FHOD3: variants seen among roughly 807,000 people sequenced by gnomAD.
The protein encoded by FHOD3 is FH1/FH2 domain-containing protein 3.
FHOD3 carries 90 observed loss-of-function variants against 173.0 expected under a neutral mutation model. The observed-to-expected ratio is 0.52, with a 90% CI of 0.44 to 0.62. The LOEUF is 0.62. FHOD3 is among the 20% of genes least tolerant of loss of function. The pLI, the probability that FHOD3 is intolerant of heterozygous loss-of-function variation, is 0.00. For missense variants in FHOD3, 1,945 were observed against 2,034.7 expected, an observed-to-expected ratio of 0.96 and a Z score of 0.85; for synonymous variants, 828 against 823.0, an observed-to-expected ratio of 1.01 and a Z score of -0.10.
chr18:36,701,625 AC>A (rs2039593328), intron 17 of FHOD3, among the ~76,000 whole-genome samples: 1 of 152,168 alleles, frequency 6.6e-6, no homozygotes, highest in Non-Finnish European at 1.5e-5. Context: ...TTTTCCTTGA[AC>A]CATTCCTGAT....
At chr18:36,444,224 T>G (rs955683585) in intron 3 of FHOD3, among the ~76,000 whole-genome samples, 7 of 151,696 alleles carry the variant, frequency 4.6e-5, no homozygotes, top group African/African-American at 1.7e-4. Flanking sequence ...AATTGTAAAT[T>G]TTTTTCAAAT....
At chr18:36,310,581 GGA>G (rs2092230532) in intron 1 of FHOD3, among the ~76,000 whole-genome samples, 1 of 151,912 alleles carries the variant, frequency 6.6e-6, no homozygotes, top group Non-Finnish European at 1.5e-5. Flanking sequence ...CAATTACTCA[GGA>G]GGCTGAGGCA....
chr18:36,713,348 C>G (rs1344861666), intron 18 of FHOD3, among the ~76,000 whole-genome samples: 1 of 152,166 alleles, frequency 6.6e-6, no homozygotes, highest in Non-Finnish European at 1.5e-5. Flanking sequence ...CTAACGGTAT[C>G]AAAATGGAAG....
chr18:36,674,571 T>C (rs1271407809), intron 14 of FHOD3, among the ~76,000 whole-genome samples: 1 of 152,088 alleles, frequency 6.6e-6, no homozygotes, highest in Non-Finnish European at 1.5e-5. Context: ...CAACTAGGTG[T>C]CTGGTTGGAC....
intron 3 of FHOD3, among the ~76,000 whole-genome samples, chr18:36,443,291 C>A (rs570395773): frequency 4.5e-4 from 69 of 152,322 alleles, no homozygotes; most frequent in Admixed American, 9.8e-4. Context: ...TTTTCTGTTT[C>A]TGTGATTCCA....
chr18:36,402,135 C>T (rs1449866186), intron 3 of FHOD3, among the ~76,000 whole-genome samples: 1 of 152,086 alleles, frequency 6.6e-6, no homozygotes, highest in African/African-American at 2.4e-5. Flanking sequence ...GCCTTTGGGG[C>T]GGGCAAGGTG....
chr18:36,599,447 C>G (rs754628772), intron 7 of FHOD3, among the ~76,000 whole-genome samples: 3 of 152,194 alleles, frequency 2.0e-5, no homozygotes. Context: ...CTGTGAAGAT[C>G]GTGTAAAGTG....
chr18:36,383,192 G>A (rs2047876615), intron 3 of FHOD3, among the ~76,000 whole-genome samples: 1 of 152,180 alleles, frequency 6.6e-6, no homozygotes, highest in East Asian at 1.9e-4. Flanking sequence ...GACTTGTGTG[G>A]CCTGGGATGT....
chr18:36,728,900 G>A (rs538695546), intron 19 of FHOD3, among the ~76,000 whole-genome samples: 9 of 152,216 alleles, frequency 5.9e-5, no homozygotes, highest in Admixed American at 2.0e-4. Flanking sequence ...TGTGGTTGAA[G>A]CTGCTTGGCT....
intron 19 of FHOD3, among the ~76,000 whole-genome samples, chr18:36,720,590 G>A (rs952649122): frequency 9.2e-5 from 14 of 151,994 alleles, no homozygotes; most frequent in African/African-American, 2.7e-4. Flanking sequence ...GACCAGCCAC[G>A]ATTAAGACAG....
chr18:36,604,018 G>A (rs773122405), intron 8 of FHOD3, among the ~76,000 whole-genome samples: 23 of 152,082 alleles, frequency 1.5e-4, no homozygotes, highest in African/African-American at 2.4e-4. Context: ...CTCCTGTTGC[G>A]TCCCTCCCTG....
intron 5 of FHOD3, among the ~76,000 whole-genome samples, chr18:36,554,387 C>CA (rs897433466): frequency 4.1e-5 from 6 of 145,518 alleles, no homozygotes; most frequent in Middle Eastern, 3.7e-3. Context: ...ATCGCAAGGA[C>CA]AAAAAACCAA....
At chr18:36,732,748 G>T (rs2041433394) in intron 20 of FHOD3, among the ~76,000 whole-genome samples, 1 of 152,184 alleles carries the variant, frequency 6.6e-6, no homozygotes, top group Admixed American at 6.5e-5. Flanking sequence ...CCAGGCCTCA[G>T]TGTGATGCAT....
intron 1 of FHOD3, among the ~76,000 whole-genome samples, chr18:36,333,877 C>G (rs1327913597): frequency 6.6e-6 from 1 of 152,196 alleles, no homozygotes; most frequent in African/African-American, 2.4e-5. Flanking sequence ...ACATCACAGT[C>G]CCACCTGTGC....
At chr18:36,443,084 G>A (rs1172709032) in intron 3 of FHOD3, among the ~76,000 whole-genome samples, 1 of 152,172 alleles carries the variant, frequency 6.6e-6, no homozygotes, top group Non-Finnish European at 1.5e-5. Flanking sequence ...GGTACGTGTT[G>A]CCAATGTTTC....
At chr18:36,361,586 T>C (rs914620604) in intron 2 of FHOD3, among the ~76,000 whole-genome samples, 10 of 149,824 alleles carry the variant, frequency 6.7e-5, no homozygotes, top group African/African-American at 2.5e-4. Context: ...CTCGGGAGGC[T>C]GAGGCAGGAG....
At position 36,303,272 on chromosome 18, in the gene FHOD3, C is replaced by T. The variant is rs533601425; in HGVS notation, c.165+5272C>T. On this transcript the variant is annotated intron_variant, in intron 1 of 28. Coordinates refer to ENST00000590592, the MANE Select transcript of FHOD3 (RefSeq NM_001281740.3). ...AAGTGAAGGAGCTAAGATTTAAGGT[C>T]ATCTTTTTTTTTCCTCCAAATCCTA... Among the ~76,000 whole-genome samples the T allele has an allele frequency of 1.7e-3, 255 of 152,264 alleles. 1 individual carries two copies. Among genetic ancestry groups the T allele is most frequent in the Non-Finnish European group, 2.6e-3 (179 of 68,022 alleles).
intron 13 of FHOD3, among the ~76,000 whole-genome samples, chr18:36,655,767 ACACAC>A (rs2036386043): frequency 2.1e-5 from 3 of 142,702 alleles, no homozygotes; most frequent in Non-Finnish European, 3.1e-5. Context: ...ACACACACAC[ACACAC>A]AAAAATGCTG....
At chr18:36,622,024 A>C (rs537477344) in intron 9 of FHOD3, among the ~76,000 whole-genome samples, 1 of 152,334 alleles carries the variant, frequency 6.6e-6, no homozygotes, top group South Asian at 2.1e-4. Flanking sequence ...GGAAATCTTG[A>C]CATTTCCTAC....
Sources: allele counts gnomAD v4.1 joint callset (sites outside exome capture counted in the v4.1 genomes callset), GRCh38; gene constraint gnomAD v4.1.1; transcripts MANE v1.5; gene names NCBI Gene and HGNC (gene_info 2026-07-23, HGNC 2026-07-21).